Variants in PDSS2 observed in about 807,000 individuals in gnomAD.
PDSS2 encodes decaprenyl diphosphate synthase subunit 2, also known as all trans-polyprenyl-diphosphate synthase PDSS2.
PDSS2 carries 31 observed loss-of-function variants against 44.5 expected under a neutral mutation model. The observed-to-expected ratio is 0.70, with a 90% CI of 0.52 to 0.94. The LOEUF (loss-of-function observed/expected upper bound fraction) is 0.94. Among genes scored for constraint, PDSS2 ranks in the 40% least tolerant of loss-of-function variants. PDSS2 has a pLI of 0.00. For synonymous variants in PDSS2, 157 were observed against 180.3 expected (o/e 0.87, Z 1.03); for missense variants, 452 against 482.2 (o/e 0.94, Z 0.59).
rs1315135824 is a variant in PDSS2 at position 107,182,336 on chromosome 6, T to TTTA, written c.1041+11483_1041+11485dup. 1.2e-4 allele frequency among the ~76,000 whole-genome samples: 18 copies of TTTA among 152,192 alleles called. 1 individual carries two copies. Among genetic ancestry groups the TTTA allele is most frequent in the Non-Finnish European group, 2.9e-5 (2 of 68,032 alleles). On this transcript the variant is annotated intron_variant, in intron 7 of 7. Coordinates refer to ENST00000369037, the MANE Select transcript of PDSS2 (RefSeq NM_020381.4). ...TTTATTTTATTTATGTATTTATTTA[T>TTTA]TTATTTGAGACAGAGTCTCACTCTA...
At chr6:107,349,973 G>C (rs1032222644) in intron 1 of PDSS2, among the ~76,000 whole-genome samples, 1 of 152,092 alleles carries the variant, frequency 6.6e-6, no homozygotes, top group Non-Finnish European at 1.5e-5. Context: ...ATCTGGAACC[G>C]TTTCTTAACT....
chr6:107,352,158 T>C (rs1272466625), intron 1 of PDSS2, among the ~76,000 whole-genome samples: 1 of 152,218 alleles, frequency 6.6e-6, no homozygotes. Flanking sequence ...ACTGTTAAGT[T>C]AGTATTGCTA....
intron 7 of PDSS2, among the ~76,000 whole-genome samples, chr6:107,179,548 G>A (rs1293722872): frequency 1.3e-5 from 2 of 152,082 alleles, no homozygotes; most frequent in East Asian, 3.8e-4. Flanking sequence ...TTACAGGAGT[G>A]AGCCACAGCA....
At position 107,399,503 on chromosome 6, in the gene PDSS2, T is replaced by A. The variant is rs78478362; in HGVS notation, c.296+59487A>T. On this transcript the variant is annotated intron_variant, in intron 1 of 7. Transcript: ENST00000369037. ...CCTTGGCCAATCTGGGCAATTATGA[T>A]CCTATCTTCCCCTAAGTTTCAGATA... Among the ~76,000 whole-genome samples, 1,395 of 152,302 alleles carry A rather than the reference T, an allele frequency of 9.2e-3. 17 individuals are homozygous for A. Among genetic ancestry groups the A allele is most frequent in the African/African-American group, 0.029 (1,197 of 41,552 alleles).
At chr6:107,424,361 C>T (rs974824343) in intron 1 of PDSS2, among the ~76,000 whole-genome samples, 4 of 152,092 alleles carry the variant, frequency 2.6e-5, no homozygotes, top group African/African-American at 7.2e-5. Flanking sequence ...TATCATTAAA[C>T]TGCATCATTA....
chr6:107,447,843 C>T (rs934754491), intron 1 of PDSS2, among the ~76,000 whole-genome samples: 3 of 152,234 alleles, frequency 2.0e-5, no homozygotes, highest in Non-Finnish European at 4.4e-5. Flanking sequence ...ATGAGGGCTC[C>T]ACCTCTGCAG....
At chr6:107,278,785 T>G (rs1315047287) in intron 2 of PDSS2, among the ~76,000 whole-genome samples, 1 of 152,222 alleles carries the variant, frequency 6.6e-6, no homozygotes, top group Non-Finnish European at 1.5e-5. Context: ...TTACAGGGTC[T>G]GCCATTTAAA....
rs1554245186 is a variant in PDSS2, at chr6:107,154,684, A to G, written c.1135T>C (p.Phe379Leu). ...GCAGATCTGGCCTCCGAGGGAGGAA[A>G]GCTCTCCAGGGCCTCCAGTGCCTTG... ...GNKALEALES[F>L]PPSEARSALE... The change falls in exon 8 of 8, where the codon TTT becomes CTT. Residue 379 changes from phenylalanine to leucine, a missense_variant. Phe to Leu is a conservative substitution (Grantham distance 22, BLOSUM62 0). Coordinates refer to ENST00000369037, the MANE Select transcript of PDSS2 (RefSeq NM_020381.4). The G allele has an allele frequency of 1.9e-6, 3 of 1,614,190 alleles. No homozygotes were observed. Among genetic ancestry groups the G allele is most frequent in the East Asian group, 4.5e-5 (2 of 44,882 alleles).
chr6:107,205,044 ACTAGAAGAGTATCACAT>A (rs1208553522), intron 6 of PDSS2, among the ~76,000 whole-genome samples: 1 of 152,224 alleles, frequency 6.6e-6, no homozygotes, highest in Non-Finnish European at 1.5e-5. Flanking sequence ...GTCTTAAAGA[ACTAGAAGAGTATCACAT>A]GTGTTATTAA....
intron 1 of PDSS2, among the ~76,000 whole-genome samples, chr6:107,402,294 CAACA>C (rs1780132324): frequency 6.7e-6 from 1 of 148,622 alleles, no homozygotes; most frequent in Non-Finnish European, 1.5e-5. Context: ...AAAAACAAAC[CAACA>C]AACAAACAAA....
At chr6:107,372,983 C>CTT (rs11330558) in intron 1 of PDSS2, among the ~76,000 whole-genome samples, 3 of 136,028 alleles carry the variant, frequency 2.2e-5, no homozygotes, top group Admixed American at 7.3e-5. Context: ...GTCTAATAAT[C>CTT]TTTTTTTTTT....
At chr6:107,456,157 C>T (rs1003852475) in intron 1 of PDSS2, among the ~76,000 whole-genome samples, 8 of 152,076 alleles carry the variant, frequency 5.3e-5, no homozygotes, top group African/African-American at 1.9e-4. Flanking sequence ...CCTGTCCCTA[C>T]TAAAAATACA....
chr6:107,159,032 A>G (rs1771017632), intron 7 of PDSS2, among the ~76,000 whole-genome samples: 1 of 151,742 alleles, frequency 6.6e-6, no homozygotes, highest in South Asian at 2.1e-4. Flanking sequence ...CCCGGCCTTA[A>G]CTGTTCTCAG....
At chr6:107,234,753 T>G (rs765952932) in intron 4 of PDSS2, among the ~76,000 whole-genome samples, 23 of 152,308 alleles carry the variant, frequency 1.5e-4, no homozygotes, top group South Asian at 6.2e-4. Flanking sequence ...GTGTCATTTT[T>G]GATTTCTTAT....
intron 4 of PDSS2, among the ~76,000 whole-genome samples, chr6:107,225,137 T>TATATATATATATATATATATTTATATA (rs1446558243): frequency 4.8e-5 from 3 of 62,392 alleles, no homozygotes; most frequent in African/African-American, 1.9e-4. Context: ...ATATATATTT[T>TATATATATATATATATATATTTATATA]TATATATATA....
At chr6:107,445,694 C>T (rs34549506) in intron 1 of PDSS2, among the ~76,000 whole-genome samples, 8,126 of 152,224 alleles carry the variant, frequency 0.053, 383 homozygotes, top group South Asian at 0.16. Context: ...TTATTCTCTG[C>T]TTGAGAACTG....
intron 1 of PDSS2, among the ~76,000 whole-genome samples, chr6:107,435,284 ACACACACAC>A (rs1781315865): frequency 1.0e-3 from 1 of 968 alleles, no homozygotes; most frequent in Non-Finnish European, 1.8e-3. Context: ...GCCTCAAAAC[ACACACACAC>A]ACACACACAC....
At position 107,334,241 on chromosome 6, in the gene PDSS2, TG is replaced by T. The variant is rs766688370; in HGVS notation, c.387del (p.Asn129LysfsTer26). ...ACCATGTCATAGTTCTGACATGAAGTGTTCACGCTGCTGGGCCCAGCTGCTT... is the reference window on the plus strand; with the variant it reads ...ACCATGTCATAGTTCTGACATGAAGTTTCACGCTGCTGGGCCCAGCTGCTT... ...ISKAAGPSSV[N>X]TSCQNYDMVS... On this transcript the variant is annotated frameshift_variant, in exon 2 of 8. Coordinates refer to ENST00000369037, the MANE Select transcript of PDSS2 (RefSeq NM_020381.4). LOFTEE classifies it high-confidence loss of function. The T allele has an allele frequency of 6.2e-7, 1 of 1,613,426 alleles. No homozygotes were observed. The highest frequency in any genetic ancestry group is 2.2e-5 in the East Asian group (1 of 44,838).
rs1224358155 is a variant in PDSS2 at position 107,303,328 on chromosome 6, G to A, written c.432-29101C>T. Among the ~76,000 whole-genome samples the A allele has an allele frequency of 2.0e-5, 3 of 152,280 alleles. No individual in the cohort carries two copies. In the South Asian group the frequency reaches 6.2e-4, roughly 32 times the overall value. On this transcript the variant is annotated intron_variant, in intron 2 of 7. Transcript: ENST00000369037. ...ACCAAGTTTCAGCATGAGTTTTGGAGGGGACAAACGTGTAATCATAGCAAT... is the reference window on the plus strand; with the variant it reads ...ACCAAGTTTCAGCATGAGTTTTGGAAGGGACAAACGTGTAATCATAGCAAT...
Sources: gnomAD v4.1 joint callset for allele counts (sites outside exome capture counted in the v4.1 genomes callset) on GRCh38, gnomAD v4.1.1 for gene constraint, MANE v1.5 for transcripts, NCBI Gene and HGNC (gene_info 2026-07-23, HGNC 2026-07-21) for gene names.